COA1: variants seen among roughly 807,000 people sequenced by gnomAD.
The protein encoded by COA1 is cytochrome c oxidase assembly factor 1 homolog.
In COA1, 13 loss-of-function variants were observed where a neutral mutation model predicts 16.0. That is an observed-to-expected ratio of 0.81 (90% CI 0.53 to 1.29). COA1 has a LOEUF of 1.29. Among genes scored for constraint, COA1 ranks in the 50% most tolerant of loss-of-function variants. The pLI is 0.00. For synonymous variants in COA1, 65 were observed against 65.7 expected (o/e 0.99, Z 0.05); for missense variants, 179 against 177.0 (o/e 1.01, Z -0.06).
intron 6 of COA1, among the ~76,000 whole-genome samples, chr7:43,614,691 G>C (rs1386312937): frequency 6.6e-6 from 1 of 152,184 alleles, no homozygotes; most frequent in Non-Finnish European, 1.5e-5. Context: ...TGAGAAATGT[G>C]TTTATTCTAG....
intron 6 of COA1, among the ~76,000 whole-genome samples, chr7:43,624,243 T>A (rs996352679): frequency 1.3e-5 from 2 of 152,208 alleles, no homozygotes; most frequent in African/African-American, 4.8e-5. Context: ...TGACAGCTAA[T>A]CTCTAGCAGA....
intron 1 of COA1, among the ~76,000 whole-genome samples, chr7:43,691,369 G>C (rs796732332): frequency 5.3e-5 from 1 of 18,720 alleles, no homozygotes; most frequent in Non-Finnish European, 1.0e-4. Context: ...GGGAGGGAGG[G>C]AGGGAGGGAG....
At chr7:43,662,571 T>C (rs888801121) in intron 1 of COA1, among the ~76,000 whole-genome samples, 4 of 152,208 alleles carry the variant, frequency 2.6e-5, no homozygotes, top group African/African-American at 9.6e-5. Flanking sequence ...TTGCAACAGA[T>C]TGAATGCAGA....
At chr7:43,652,294 T>C (rs1584450027) in intron 1 of COA1, among the ~76,000 whole-genome samples, 2 of 152,328 alleles carry the variant, frequency 1.3e-5, no homozygotes, top group South Asian at 4.1e-4. Flanking sequence ...ACCTATTCAC[T>C]TCACCTCTGT....
chr7:43,703,669 T>C (rs1200205220), intron 1 of COA1, among the ~76,000 whole-genome samples: 1 of 152,166 alleles, frequency 6.6e-6, no homozygotes, highest in Non-Finnish European at 1.5e-5. Flanking sequence ...CCCTGCTCTG[T>C]TTTGTTTGTT....
intron 1 of COA1, among the ~76,000 whole-genome samples, chr7:43,718,972 C>CTTTTTT (rs1563479471): frequency 1.2e-5 from 1 of 85,294 alleles, no homozygotes. Context: ...CAGGAATCTA[C>CTTTTTT]ATTTTTTTTT....
chr7:43,642,894 T>C (rs17530917), intron 4 of COA1, among the ~76,000 whole-genome samples: 15,320 of 152,234 alleles, frequency 0.1, 978 homozygotes, highest in Admixed American at 0.19. Flanking sequence ...TAAAGGAATT[T>C]GGGATAAGAG....
intron 1 of COA1, among the ~76,000 whole-genome samples, chr7:43,678,033 G>C (rs2093613610): frequency 6.6e-6 from 1 of 152,094 alleles, no homozygotes; most frequent in African/African-American, 2.4e-5. Flanking sequence ...TTCCCTCCTA[G>C]AGGATTCAGG....
intron 4 of COA1, among the ~76,000 whole-genome samples, chr7:43,643,088 C>A (rs1023416355): frequency 2.6e-4 from 39 of 152,202 alleles, no homozygotes; most frequent in African/African-American, 8.2e-4. Context: ...GAAGCCAGAA[C>A]CTAGCACCAC....
intron 6 of COA1, among the ~76,000 whole-genome samples, chr7:43,609,792 A>T (rs1473586836): frequency 1.3e-5 from 2 of 152,160 alleles, no homozygotes; most frequent in Non-Finnish European, 2.9e-5. Flanking sequence ...CCTCTGGACC[A>T]CCCCCAAAAA....
intron 1 of COA1, chr7:43,657,385 A>C (rs1389558449): frequency 1.3e-5 from 2 of 152,258 alleles, no homozygotes; most frequent in Non-Finnish European, 2.9e-5. Context: ...CATTATCCCT[A>C]ATTTTGAAAA....
chr7:43,680,462 T>C (rs578239017), intron 1 of COA1, among the ~76,000 whole-genome samples: 1 of 152,286 alleles, frequency 6.6e-6, no homozygotes, highest in South Asian at 2.1e-4. Context: ...AGAAGCCAAA[T>C]GAATGCATTG....
intron 1 of COA1, among the ~76,000 whole-genome samples, chr7:43,668,830 T>A (rs548401345): frequency 1.6e-3 from 237 of 152,322 alleles, no homozygotes; most frequent in African/African-American, 5.4e-3. Context: ...AAGTAAAATT[T>A]TAGATGAAAA....
intron 1 of COA1, among the ~76,000 whole-genome samples, chr7:43,719,836 A>C (rs953439060): frequency 2.0e-5 from 3 of 152,214 alleles, no homozygotes; most frequent in Non-Finnish European, 4.4e-5. Flanking sequence ...GAGCAAAGAG[A>C]ACACCAGAGA....
At chr7:43,638,503 C>T (rs1393622341), downstream of COA1, among the ~76,000 whole-genome samples, 2 of 151,712 alleles carry the variant, frequency 1.3e-5, no homozygotes, top group African/African-American at 4.8e-5. Context: ...GTTTGGAAAG[C>T]AGATGGATAA....
At chr7:43,637,369 C>A (rs1375462273), downstream of COA1, among the ~76,000 whole-genome samples, 2 of 152,142 alleles carry the variant, frequency 1.3e-5, no homozygotes, top group Admixed American at 6.5e-5. Flanking sequence ...TGGCTGTGAT[C>A]CCTCTCCTGC....
chr7:43,608,661 T>A, exon 7 of COA1: 2 of 282,526 alleles, frequency 7.1e-6, no homozygotes, highest in Non-Finnish European at 1.3e-5. Context: ...TTGAGCTAGA[T>A]CTTTTGAAAA....
chr7:43,626,745 T>G (rs998729550), intron 6 of COA1: 1 of 152,224 alleles, frequency 6.6e-6, no homozygotes, highest in African/African-American at 2.4e-5. Flanking sequence ...TTTGGGCTTT[T>G]TAAAAACCAT....
chr7:43,685,243 C>T (rs924250401), intron 1 of COA1, among the ~76,000 whole-genome samples: 5 of 151,840 alleles, frequency 3.3e-5, no homozygotes, highest in African/African-American at 9.7e-5. Flanking sequence ...GTGGCAAATT[C>T]CATCACAAAA....
Sources: gnomAD v4.1 joint callset for allele counts (sites outside exome capture counted in the v4.1 genomes callset) on GRCh38, gnomAD v4.1.1 for gene constraint, MANE v1.5 for transcripts, NCBI Gene and HGNC (gene_info 2026-07-23, HGNC 2026-07-21) for gene names.